CCDC6: variants seen among roughly 807,000 people sequenced by gnomAD.
CCDC6 encodes the protein coiled-coil domain containing 6.
CCDC6 carries 20 observed loss-of-function variants against 56.6 expected under a neutral mutation model. The ratio of observed to expected loss-of-function variants is 0.35; its 90% CI spans 0.25 to 0.51. CCDC6 has a LOEUF of 0.51. Ranked by LOEUF, CCDC6 falls within the 20% of genes least tolerant of loss-of-function variation. The pLI is 0.95. For missense variants in CCDC6, 367 were observed against 601.1 expected, an observed-to-expected ratio of 0.61 and a Z score of 4.07; for synonymous variants, 241 against 234.4, an observed-to-expected ratio of 1.03 and a Z score of -0.26.
At chr10:59,876,033 C>A (rs1288826825) in intron 1 of CCDC6, among the ~76,000 whole-genome samples, 1 of 147,402 alleles carries the variant, frequency 6.8e-6, no homozygotes, top group African/African-American at 2.6e-5. Flanking sequence ...AGCACATGGC[C>A]AACAAGCCTA....
At chr10:59,900,630 C>CCT (rs1406000572) in intron 1 of CCDC6, among the ~76,000 whole-genome samples, 1 of 152,180 alleles carries the variant, frequency 6.6e-6, no homozygotes, top group Admixed American at 6.5e-5. Flanking sequence ...GCAATGGCTA[C>CCT]CTTCAATTTT....
intron 1 of CCDC6, among the ~76,000 whole-genome samples, chr10:59,857,929 G>A (rs953953491): frequency 6.6e-6 from 1 of 152,158 alleles, no homozygotes; most frequent in Admixed American, 6.5e-5. Flanking sequence ...ATAAAAACTT[G>A]TTCTGTTTAA....
intron 1 of CCDC6, among the ~76,000 whole-genome samples, 200 bp downstream of exon 1, chr10:59,905,922 C>A (rs376704750): frequency 2.6e-4 from 40 of 152,292 alleles, no homozygotes; most frequent in African/African-American, 9.1e-4. Flanking sequence ...GGTCCTCAGA[C>A]CCCCGAGGAG....
chr10:59,857,525 C>CA (rs1241292988), intron 1 of CCDC6, among the ~76,000 whole-genome samples: 2 of 152,198 alleles, frequency 1.3e-5, no homozygotes, highest in African/African-American at 2.4e-5. Flanking sequence ...AAACCAAAAT[C>CA]ACGTAGGGTG....
chr10:59,843,825 T>C (rs3851247), intron 2 of CCDC6, among the ~76,000 whole-genome samples: 78,201 of 152,008 alleles, frequency 0.51, 21,890 homozygotes, highest in African/African-American at 0.75. Context: ...TCACTCTTAG[T>C]CTAAGCATGC....
chr10:59,818,501 G>GGGGT (rs1554883218), intron 3 of CCDC6, among the ~76,000 whole-genome samples: 1 of 141,394 alleles, frequency 7.1e-6, no homozygotes, highest in Non-Finnish European at 1.5e-5. Flanking sequence ...TTGACGGGGG[G>GGGGT]GGGGGAAGCA....
intron 3 of CCDC6, among the ~76,000 whole-genome samples, chr10:59,822,320 GAC>G (rs1438208609): frequency 6.6e-6 from 1 of 152,088 alleles, no homozygotes; most frequent in Non-Finnish European, 1.5e-5. Context: ...TTTTGAAATA[GAC>G]ACACATTTAA....
At chr10:59,824,649 A>C (rs2070773221) in intron 3 of CCDC6, among the ~76,000 whole-genome samples, 1 of 152,196 alleles carries the variant, frequency 6.6e-6, no homozygotes, top group Non-Finnish European at 1.5e-5. Context: ...GCCAATTACA[A>C]ATCCACTTAA....
At chr10:59,845,354 T>A (rs1382290556) in intron 2 of CCDC6, among the ~76,000 whole-genome samples, 1 of 148,806 alleles carries the variant, frequency 6.7e-6, no homozygotes, top group Non-Finnish European at 1.5e-5. Flanking sequence ...GGGTTTTTTT[T>A]TTTTTTTTTT....
intron 1 of CCDC6, among the ~76,000 whole-genome samples, chr10:59,857,145 C>T (rs959798442): frequency 6.6e-6 from 1 of 152,076 alleles, no homozygotes; most frequent in Admixed American, 6.6e-5. Flanking sequence ...ATTCTTTTCC[C>T]ATCCTACTAA....
chr10:59,862,252 C>T (rs1161413514), intron 1 of CCDC6, among the ~76,000 whole-genome samples: 2 of 151,776 alleles, frequency 1.3e-5, no homozygotes, highest in African/African-American at 4.8e-5. Flanking sequence ...TGTGTGACCC[C>T]GAGGCAGGTG....
rs747906759 is a variant in CCDC6, at chr10:59,794,586, C to G, written c.1117G>C (p.Ala373Pro). Residue 373 changes from alanine to proline, a missense_variant, in exon 8 of 9, where the codon GCA (alanine) becomes CCA (proline). Transcript: ENST00000263102. The part of the protein sequence containing the change: ...SRPISPGLSY[A>P]SHTVGFTPPT... ...GGCGTGAAACCAACCGTGTGACTTG[C>G]ATATGATAGACCTAAAATATAACAA... is the stretch of plus-strand genomic sequence containing the variant. The G allele has an allele frequency of 6.2e-7, 1 of 1,613,678 alleles. No individual in the cohort carries two copies. Among genetic ancestry groups the G allele is most frequent in the East Asian group, 2.2e-5 (1 of 44,870 alleles).
intron 1 of CCDC6, among the ~76,000 whole-genome samples, chr10:59,862,293 C>G (rs1479214799): frequency 1.3e-5 from 2 of 151,684 alleles, no homozygotes; most frequent in Non-Finnish European, 2.9e-5. Context: ...TCAAGACCAG[C>G]CTGCCCAACA....
intron 3 of CCDC6, among the ~76,000 whole-genome samples, chr10:59,830,051 TC>T (rs2070822943): frequency 6.6e-6 from 1 of 152,194 alleles, no homozygotes; most frequent in African/African-American, 2.4e-5. Context: ...AGAGGACCAC[TC>T]ACCATTCACA....
chr10:59,842,602 AT>A (rs1157231917), intron 2 of CCDC6, among the ~76,000 whole-genome samples: 21 of 152,168 alleles, frequency 1.4e-4, no homozygotes, highest in African/African-American at 4.8e-4. Flanking sequence ...TCATTTACTT[AT>A]ATTTTGTGTA....
chr10:59,861,840 G>C (rs1564750870), intron 1 of CCDC6, among the ~76,000 whole-genome samples: 3 of 152,180 alleles, frequency 2.0e-5, no homozygotes, highest in Non-Finnish European at 1.5e-5. Flanking sequence ...GTTATCAAAT[G>C]GTCCAACAAT....
At chr10:59,876,202 C>T (rs2071278843) in intron 1 of CCDC6, among the ~76,000 whole-genome samples, 1 of 151,518 alleles carries the variant, frequency 6.6e-6, no homozygotes, top group African/African-American at 2.4e-5. Flanking sequence ...GCATGCACTA[C>T]CATGCCCGGC....
intron 1 of CCDC6, among the ~76,000 whole-genome samples, chr10:59,873,539 GA>G (rs2071250703): frequency 6.6e-6 from 1 of 152,088 alleles, no homozygotes; most frequent in African/African-American, 2.4e-5. Flanking sequence ...AGAACTGTGA[GA>G]AAATTAATTT....
At chr10:59,859,199 CGTGTGTGTGT>C (rs66648240) in intron 1 of CCDC6, among the ~76,000 whole-genome samples, 46 of 137,256 alleles carry the variant, frequency 3.4e-4, no homozygotes, top group African/African-American at 9.4e-4. Context: ...CATGTGTGTG[CGTGTGTGTGT>C]GTGTGTGTGT....
Sources: gnomAD v4.1 joint callset for allele counts (sites outside exome capture counted in the v4.1 genomes callset) on GRCh38, gnomAD v4.1.1 for gene constraint, MANE v1.5 for transcripts, NCBI Gene and HGNC (gene_info 2026-07-23, HGNC 2026-07-21) for gene names.